The following TP53BP1 variants were observed in gnomAD, a reference collection of about 807,000 sequenced individuals.
TP53BP1 encodes the protein tumor protein p53 binding protein 1.
In TP53BP1, 61 loss-of-function variants were observed where a neutral mutation model predicts 200.8. That is an observed-to-expected ratio of 0.30 (90% CI 0.25 to 0.38). The LOEUF (loss-of-function observed/expected upper bound fraction) is 0.38. Ranked by LOEUF, TP53BP1 falls within the 10% of genes least tolerant of loss-of-function variation. The probability of loss-of-function intolerance (pLI) is 1.00; values close to 1 mark genes in which losing one functional copy is unlikely to be tolerated. For missense variants in TP53BP1, 2,144 were observed against 2,371.9 expected, an observed-to-expected ratio of 0.90 and a Z score of 2.00; for synonymous variants, 822 against 844.3, an observed-to-expected ratio of 0.97 and a Z score of 0.46.
chr15:43,413,118 C>T lies in TP53BP1; in HGVS notation c.5305+1G>A. The T allele has an allele frequency of 1.9e-6, 3 of 1,614,104 alleles. No homozygotes were observed. The highest frequency in any genetic ancestry group is 2.5e-6 in the Non-Finnish European group (3 of 1,179,978). On this transcript the variant is annotated splice_donor_variant, in intron 24 of 27. Transcript: ENST00000382044. LOFTEE classifies it high-confidence loss of function. ...GCTCCCAGGGCTTCCTAAGGCCTTA[C>T]CCTCCTCTTCTTCACTGCTTCCTGT...
intron 14 of TP53BP1, among the ~76,000 whole-genome samples, chr15:43,445,843 T>C (rs1033283373): frequency 6.6e-6 from 1 of 152,130 alleles, no homozygotes; most frequent in Non-Finnish European, 1.5e-5. Context: ...GAACAGAATA[T>C]GGGAAATGCA....
chr15:43,412,096 A>G (rs1253192390), intron 24 of TP53BP1, among the ~76,000 whole-genome samples: 1 of 152,162 alleles, frequency 6.6e-6, no homozygotes, highest in Admixed American at 6.5e-5. Flanking sequence ...CTGGACCTTG[A>G]AATCCCACCA....
chr15:43,484,008 C>T (rs1186701163), intron 4 of TP53BP1, among the ~76,000 whole-genome samples: 3 of 152,178 alleles, frequency 2.0e-5, no homozygotes, highest in African/African-American at 7.2e-5. Flanking sequence ...AGACTTTTCC[C>T]TCTGAGCTCC....
intron 4 of TP53BP1, among the ~76,000 whole-genome samples, chr15:43,489,879 TACAGAC>T (rs1297431686): frequency 6.6e-6 from 1 of 151,998 alleles, no homozygotes; most frequent in Non-Finnish European, 1.5e-5. Context: ...AAAAATTACG[TACAGAC>T]ACAGAGTGTA....
Position 43,457,080 on chromosome 15 carries a change from C to A in TP53BP1, c.1528G>T (p.Gly510Trp). ...IEPKNSPEDL[G>W]LSLTGDSCKL... Reference sequence around the variant, plus strand: ...CAAGAATCCCCTGTCAAAGATAGCCCAAGATCCTCAGGGGAATTCTTTGGT... The same window carrying A: ...CAAGAATCCCCTGTCAAAGATAGCCAAAGATCCTCAGGGGAATTCTTTGGT... Residue 510 changes from glycine (G) to tryptophan (W), a missense_variant, in exon 12 of 28, where the codon GGG becomes TGG. Physicochemically the swap from Gly to Trp is radical, Grantham distance 184. Transcript: ENST00000382044. 1.9e-6 allele frequency: 3 copies of A among 1,614,124 alleles called. No homozygotes were observed. Among genetic ancestry groups the A allele is most frequent in the Non-Finnish European group, 2.5e-6 (3 of 1,180,014 alleles).
intron 11 of TP53BP1, among the ~76,000 whole-genome samples, chr15:43,467,798 T>C (rs1226511785): frequency 6.6e-6 from 1 of 152,042 alleles, no homozygotes; most frequent in Non-Finnish European, 1.5e-5. Context: ...CTTTTTTTTT[T>C]TTTTTAAGAC....
At chr15:43,442,321 C>T (rs1270375683) in intron 14 of TP53BP1, among the ~76,000 whole-genome samples, 2 of 151,870 alleles carry the variant, frequency 1.3e-5, no homozygotes, top group African/African-American at 4.8e-5. Flanking sequence ...CTCCTGACCT[C>T]GTGATCCGCC....
chr15:43,471,958 A>C (rs897317076), intron 10 of TP53BP1, among the ~76,000 whole-genome samples: 1 of 152,234 alleles, frequency 6.6e-6, no homozygotes, highest in Non-Finnish European at 1.5e-5. Context: ...TTTTAAGAGA[A>C]ACAGCCAGAG....
chr15:43,431,488 T>TCCCA (rs1257956956), intron 17 of TP53BP1, among the ~76,000 whole-genome samples: 1 of 152,090 alleles, frequency 6.6e-6, no homozygotes, highest in African/African-American at 2.4e-5. Context: ...CAAGTAATCC[T>TCCCA]CCCACCTGAG....
chr15:43,470,121 T>A (rs1013665437), intron 10 of TP53BP1, 55 bp from the exon 11 acceptor site: 89 of 1,421,028 alleles, frequency 6.3e-5, no homozygotes, highest in Non-Finnish European at 3.7e-5. Context: ...ATATTACTCA[T>A]GTTCCAAAAC....
In TP53BP1 at chr15:43,480,903, C is replaced by A. The variant is rs1029258632; in HGVS notation, c.491G>T (p.Gly164Val). The A allele has an allele frequency of 2.5e-6, 4 of 1,613,984 alleles. No homozygotes were observed. The highest frequency in any genetic ancestry group is 3.4e-6 in the Non-Finnish European group (4 of 1,179,996). The change falls in exon 5 of 28, where the codon GGT becomes GTT. Residue 164 changes from glycine (G) to valine (V), a missense_variant. By Grantham distance (109) the Gly-to-Val change is moderately radical (BLOSUM62 -3). Transcript: ENST00000382044. Reference protein sequence around the residue: ...DTSGNTTHSLGAEDTASSQLG... With the variant: ...DTSGNTTHSLVAEDTASSQLG... ...AAAAAGCACAAGGCTACCTTCAGCA[C>A]CAAGGGAATGTGTAGTATTGCCTGA...
At chr15:43,469,417 T>G (rs1247763824) in intron 11 of TP53BP1, among the ~76,000 whole-genome samples, 1 of 152,074 alleles carries the variant, frequency 6.6e-6, no homozygotes, top group African/African-American at 2.4e-5. Flanking sequence ...AAAAGAAAAT[T>G]AAAGTTGTGC....
intron 24 of TP53BP1, among the ~76,000 whole-genome samples, chr15:43,411,513 G>C (rs1469944943): frequency 6.6e-6 from 1 of 152,190 alleles, no homozygotes; most frequent in East Asian, 1.9e-4. Context: ...CTACCAAACA[G>C]TTTCTTAAAA....
At chr15:43,479,658 T>A in intron 6 of TP53BP1, 132 bp from the exon 7 acceptor site, 1 of 1,177,702 alleles carries the variant, frequency 8.5e-7, no homozygotes, top group Non-Finnish European at 1.2e-6. Flanking sequence ...CATCAGTCTA[T>A]AAAGGAAAGT....
Position 43,415,695 on chromosome 15 carries a change from C to G in TP53BP1, c.4988G>C (p.Arg1663Pro). Residue 1663 changes from arginine (R) to proline (P), a missense_variant, in exon 23 of 28, where the codon CGT becomes CCT. Around this residue, in one of 4 missense-constraint regions of TP53BP1, gnomAD observed 334 missense variants for 453.4 expected, o/e 0.74. Coordinates refer to ENST00000382044, the MANE Select transcript of TP53BP1 (RefSeq NM_001141980.3). ...GCCTGAGAGAACTCCCATGGAGGCACGAGGACTTTCTGTGATCTTTCGGGT... is the reference window on the plus strand; with the variant it reads ...GCCTGAGAGAACTCCCATGGAGGCAGGAGGACTTTCTGTGATCTTTCGGGT... ...TPTRKITESPRASMGVLSGKR... is the reference protein window; with the variant it reads ...TPTRKITESPPASMGVLSGKR... 6.2e-7 allele frequency: 1 copy of G among 1,614,146 alleles called. No individual in the cohort carries two copies. The highest frequency in any genetic ancestry group is 8.5e-7 in the Non-Finnish European group (1 of 1,180,014).
At chr15:43,477,299 C>CAAA (rs59711190) in intron 8 of TP53BP1, among the ~76,000 whole-genome samples, 3 of 99,482 alleles carry the variant, frequency 3.0e-5, no homozygotes, top group African/African-American at 6.3e-5. Context: ...GACTCCATCT[C>CAAA]AAAAAAAAAA....
chr15:43,489,483 A>G (rs1262202743), intron 4 of TP53BP1, among the ~76,000 whole-genome samples: 1 of 152,280 alleles, frequency 6.6e-6, no homozygotes, highest in Admixed American at 6.5e-5. Flanking sequence ...GCAAGATAAC[A>G]TAGATGAGTG....
At chr15:43,474,928 AAAAT>A (rs1451900494) in intron 9 of TP53BP1, among the ~76,000 whole-genome samples, 161 bp from the exon 10 acceptor site, 1 of 152,230 alleles carries the variant, frequency 6.6e-6, no homozygotes, top group African/African-American at 2.4e-5. Context: ...GGAAGAACCA[AAAAT>A]ACTTCAATAA....
chr15:43,469,484 C>A (rs2140090955), intron 11 of TP53BP1, among the ~76,000 whole-genome samples: 1 of 152,102 alleles, frequency 6.6e-6, no homozygotes, highest in East Asian at 1.9e-4. Context: ...TCGTCAGGAC[C>A]TCCTGAGGCT....
Sources: allele counts gnomAD v4.1 joint callset (sites outside exome capture counted in the v4.1 genomes callset), GRCh38; gene constraint gnomAD v4.1.1; regional missense constraint gnomAD v4.1.1; transcripts MANE v1.5; gene names NCBI Gene and HGNC (gene_info 2026-07-23, HGNC 2026-07-21).